Variants in MEX3D observed in about 807,000 individuals in gnomAD.
MEX3D encodes the protein RNA-binding protein MEX3D.
MEX3D carries 4 observed loss-of-function variants against 6.3 expected under a neutral mutation model. The ratio of observed to expected loss-of-function variants is 0.64; its 90% CI spans 0.31 to 1.46. The LOEUF (loss-of-function observed/expected upper bound fraction) is 1.46. Among genes scored for constraint, MEX3D ranks in the 40% most tolerant of loss-of-function variants. The probability of loss-of-function intolerance (pLI) is 0.07; values close to 1 mark genes in which losing one functional copy is unlikely to be tolerated. For missense variants in MEX3D, 1,038 were observed against 994.4 expected (o/e 1.04, Z -0.59); for synonymous variants, 626 against 494.1 (o/e 1.27, Z -3.54).
In MEX3D at chr19:1,567,747, G is replaced by C; in HGVS notation, c.312C>G (p.Pro104=). The C allele has an allele frequency of 2.1e-6, 2 of 968,112 alleles. No individual in the cohort carries two copies. Among genetic ancestry groups the C allele is most frequent in the Non-Finnish European group, 2.5e-6 (2 of 808,568 alleles). 60.0% of individuals were successfully genotyped at this position (968,112 alleles called of 1,614,324 possible). A position where few individuals can be genotyped will look rare whatever the true frequency, so the allele number is the denominator to read the frequency against. Residue 104 remains proline (P), a synonymous_variant, in exon 1 of 2, where the codon CCC becomes CCG. Transcript: ENST00000402693. The surrounding 1 kb of genome is among the most constrained non-coding windows in gnomAD (Gnocchi z 6.5). ...DGGAAPEPVP[P]DGPEAGAPPT... is the part of the protein sequence containing the mutation. Reference sequence around the variant, plus strand: ...GGGGCGCGCCGGCCTCAGGTCCGTCGGGGGGCACAGGCTCCGGAGCCGCCC... The same window carrying C: ...GGGGCGCGCCGGCCTCAGGTCCGTCCGGGGGCACAGGCTCCGGAGCCGCCC...
intron 1 of MEX3D, among the ~76,000 whole-genome samples, chr19:1,565,986 G>C (rs112264699): frequency 0.019 from 2,833 of 152,336 alleles, 90 homozygotes; most frequent in African/African-American, 0.065. Flanking sequence ...GGAGGCTCAG[G>C]CTCGTGCCTT....
chr19:1,558,741 C>T (rs553200385), intron 1 of MEX3D, among the ~76,000 whole-genome samples: 36 of 152,232 alleles, frequency 2.4e-4, no homozygotes, highest in Non-Finnish European at 3.7e-4. Context: ...GCCGAGGTCT[C>T]GGCCCGACTG....
At chr19:1,563,928 C>A (rs557887941) in intron 1 of MEX3D, among the ~76,000 whole-genome samples, 1 of 151,874 alleles carries the variant, frequency 6.6e-6, no homozygotes, top group Non-Finnish European at 1.5e-5. Context: ...CTGCCTCAGC[C>A]TCCAGAGTAG....
intron 1 of MEX3D, among the ~76,000 whole-genome samples, chr19:1,563,218 G>A (rs542095988): frequency 7.9e-5 from 12 of 152,308 alleles, no homozygotes; most frequent in African/African-American, 2.4e-4. Context: ...GGGAAAACCT[G>A]GGGCCTGCGG....
intron 1 of MEX3D, among the ~76,000 whole-genome samples, chr19:1,557,922 G>A (rs1373949830): frequency 7.8e-6 from 1 of 128,748 alleles, no homozygotes; most frequent in African/African-American, 2.9e-5. Context: ...GTGTGGTGGC[G>A]CACGCCTGTA....
intron 1 of MEX3D, among the ~76,000 whole-genome samples, chr19:1,560,015 C>T (rs1914678597): frequency 6.6e-6 from 1 of 152,206 alleles, no homozygotes; most frequent in African/African-American, 2.4e-5. Flanking sequence ...TCGGGTTGGG[C>T]CTGCTCTTCT....
chr19:1,568,154 C>G lies in MEX3D; in HGVS notation c.-96G>C, dbSNP rs1182196374. On this transcript the variant is annotated 5_prime_UTR_variant, in exon 1 of 2. Transcript: ENST00000402693. ...CTCTGCGAGCTGGGCCGCCGGCCGC[C>G]TGCATCCAGCGGCGGGGGCGGGCAC... is the stretch of plus-strand genomic sequence containing the variant. 1.0e-6 allele frequency: 1 copy of G among 969,520 alleles called. No individual in the cohort carries two copies. Among genetic ancestry groups the G allele is most frequent in the Admixed American group, 6.4e-5 (1 of 15,518 alleles). The allele number at this position is 969,520 out of a possible 1,614,324, so 60.1% of individuals were successfully genotyped here.
Position 1,555,601 on chromosome 19 carries a change from G to A in MEX3D, c.1918C>T (p.Arg640Cys). Residue 640 changes from arginine to cysteine, a missense_variant, in exon 2 of 2, where the codon CGC (arginine) becomes TGC (cysteine). Around this residue, in one of 5 missense-constraint regions of MEX3D, gnomAD observed 581 missense variants for 516.2 expected, o/e 1.13. Coordinates refer to ENST00000402693, the MANE Select transcript of MEX3D (RefSeq NM_203304.4). ...TGAATGGCCTGGGTGGCCGGCGTGCGGCAGGCGGGACACTCGGGCTCGCTC... is the reference window on the plus strand; with the variant it reads ...TGAATGGCCTGGGTGGCCGGCGTGCAGCAGGCGGGACACTCGGGCTCGCTC... ...GKSEPECPAC[R>C]TPATQAIHIF... The A allele has an allele frequency of 1.9e-6, 3 of 1,592,404 alleles. No individual in the cohort carries two copies. The highest frequency in any genetic ancestry group is 2.6e-6 in the Non-Finnish European group (3 of 1,171,562).
rs566887152 is a variant in MEX3D at position 1,562,997 on chromosome 19, G to A, written c.595+4467C>T. ...TGAGCCACTGTACTCCAGCCTGGGC[G>A]ACAAGAGCAAGACCCTGTCTCAAAA... On this transcript the variant is annotated intron_variant, in intron 1 of 1. Coordinates refer to ENST00000402693, the MANE Select transcript of MEX3D (RefSeq NM_203304.4). 2.7e-4 allele frequency among the ~76,000 whole-genome samples: 41 copies of A among 152,224 alleles called. No homozygotes were observed. The South Asian group carries it at 2.9e-3, about 11-fold the overall frequency.
chr19:1,564,361 C>T (rs1281238058), intron 1 of MEX3D, among the ~76,000 whole-genome samples: 3 of 152,010 alleles, frequency 2.0e-5, no homozygotes, highest in East Asian at 1.9e-4. Flanking sequence ...GGCGAAACCC[C>T]GTCTCTACTG....
intron 1 of MEX3D, among the ~76,000 whole-genome samples, chr19:1,566,497 C>T (rs1245356849): frequency 6.6e-6 from 1 of 152,160 alleles, no homozygotes; most frequent in Non-Finnish European, 1.5e-5. Context: ...TGTCCTGCGG[C>T]CCCACCACCA....
rs756753498 is a variant in MEX3D, at chr19:1,555,381, T to A, written c.*182A>T. ...GCGCCGCCGGGCTGCGGGGTCTCCGTCTCCACGCCTGAGGCGGCAGTTAAA... is the reference window on the plus strand; with the variant it reads ...GCGCCGCCGGGCTGCGGGGTCTCCGACTCCACGCCTGAGGCGGCAGTTAAA... On this transcript the variant is annotated 3_prime_UTR_variant, in exon 2 of 2. Coordinates refer to ENST00000402693, the MANE Select transcript of MEX3D (RefSeq NM_203304.4). 1 of 1,598,558 alleles carries A rather than the reference T, an allele frequency of 6.3e-7. No individual in the cohort carries two copies. Among genetic ancestry groups the A allele is most frequent in the Non-Finnish European group, 8.5e-7 (1 of 1,172,038 alleles).
chr19:1,556,806 C>T lies in MEX3D; in HGVS notation c.713G>A (p.Arg238His), dbSNP rs1914582872. The stretch of plus-strand genomic sequence containing the variant: ...GTGTTCGGCCGCCGACAGGATCTCA[C>T]GCTTGGCCATCTCCACGTCCTCCTT... Reference protein sequence around the residue: ...GRKEDVEMAKREILSAAEHFS... With the variant: ...GRKEDVEMAKHEILSAAEHFS... The change falls in exon 2 of 2, where the codon CGT becomes CAT. Residue 238 changes from arginine (R) to histidine (H), a missense_variant. Arg to His is a conservative substitution (Grantham distance 29, BLOSUM62 0). Around this residue, in one of 5 missense-constraint regions of MEX3D, gnomAD observed 75 missense variants for 125.1 expected, o/e 0.60. Transcript: ENST00000402693. The surrounding 1 kb of genome is among the most constrained non-coding windows in gnomAD (Gnocchi z 7.5). The T allele has an allele frequency of 1.2e-6, 2 of 1,612,504 alleles. No homozygotes were observed. Among genetic ancestry groups the T allele is most frequent in the Non-Finnish European group, 1.7e-6 (2 of 1,179,804 alleles).
chr19:1,561,212 A>G (rs1914708910), intron 1 of MEX3D, among the ~76,000 whole-genome samples: 1 of 152,170 alleles, frequency 6.6e-6, no homozygotes, highest in Non-Finnish European at 1.5e-5. Context: ...ATGACCGTGC[A>G]CTACGACTTA....
Position 1,556,588 on chromosome 19 carries a change from C to T in MEX3D, c.931G>A (p.Gly311Arg). 6.2e-7 allele frequency: 1 copy of T among 1,609,198 alleles called. No homozygotes were observed. Among genetic ancestry groups the T allele is most frequent in the Non-Finnish European group, 8.5e-7 (1 of 1,178,756 alleles). Residue 311 changes from glycine (G) to arginine (R), a missense_variant, in exon 2 of 2, where the codon GGG becomes AGG. Physicochemically the swap from Gly to Arg is moderately radical, Grantham distance 125. This residue lies in a region of MEX3D where 65 missense variants were observed against 109.3 expected (regional missense o/e 0.59). Transcript: ENST00000402693. This position sits in a 1 kb window ranked among gnomAD's most constrained non-coding sequence, Gnocchi z 7.5. ...QRTHTYIVTPGRDKEPVFAVT... is the reference protein window; with the variant it reads ...QRTHTYIVTPRRDKEPVFAVT... Reference sequence around the variant, plus strand: ...GCGAACACCGGCTCCTTGTCGCGCCCGGGCGTCACGATGTAGGTGTGCGTC... The same window carrying T: ...GCGAACACCGGCTCCTTGTCGCGCCTGGGCGTCACGATGTAGGTGTGCGTC...
chr19:1,567,356 C>T lies in MEX3D; in HGVS notation c.595+108G>A. On this transcript the variant is annotated intron_variant, in intron 1 of 1. Transcript: ENST00000402693. The surrounding 1 kb of genome is among the most constrained non-coding windows in gnomAD (Gnocchi z 6.5). ...GGCCGGAGCCCACGCGGGGCGTGTC[C>T]GGTGCGGGGCGTCCGGCGCGGGCTG... 2 of 1,252,310 alleles carry T rather than the reference C, an allele frequency of 1.6e-6. No homozygotes were observed. Among genetic ancestry groups the T allele is most frequent in the Admixed American group, 4.1e-5 (1 of 24,384 alleles). The allele number at this position is 1,252,310 out of a possible 1,614,324, so 77.6% of individuals were successfully genotyped here.
chr19:1,561,657 C>G (rs1026533261), intron 1 of MEX3D, among the ~76,000 whole-genome samples: 4 of 151,874 alleles, frequency 2.6e-5, no homozygotes, highest in Non-Finnish European at 5.9e-5. Flanking sequence ...GGCAACATAG[C>G]AAGATCCTGT....
At position 1,556,664 on chromosome 19, in the gene MEX3D, C is replaced by T. The variant is rs1312707987; in HGVS notation, c.855G>A (p.Val285=). ...CGCCCTTGGGCCCCACCACCAGCCC[C>T]ACCACCCGGTAGGGCACGCGCACCT... ...TIQVRVPYRV[V]GLVVGPKGAT... The change falls in exon 2 of 2, where the codon GTG becomes GTA. Residue 285 remains valine, a synonymous_variant. Transcript: ENST00000402693. The surrounding 1 kb of genome is among the most constrained non-coding windows in gnomAD (Gnocchi z 7.5). 2.5e-6 allele frequency: 4 copies of T among 1,610,856 alleles called. No individual in the cohort carries two copies. Among genetic ancestry groups the T allele is most frequent in the Non-Finnish European group, 3.4e-6 (4 of 1,179,066 alleles).
chr19:1,556,431 A>G lies in MEX3D; in HGVS notation c.1088T>C (p.Leu363Pro). The G allele has an allele frequency of 6.3e-7, 1 of 1,594,930 alleles. No individual in the cohort carries two copies. Among genetic ancestry groups the G allele is most frequent in the Non-Finnish European group, 8.5e-7 (1 of 1,176,690 alleles). ...GCTGGCGGCCGCCCCGAGCAGGTCC[A>G]GGCAGACGTCGGTGCCGTTGGCGTG... ...DFHANGTDVC[L>P]DLLGAAASLW... is the part of the protein sequence containing the mutation. Residue 363 changes from leucine to proline, a missense_variant, in exon 2 of 2, where the codon CTG (leucine) becomes CCG (proline). Around this residue, in one of 5 missense-constraint regions of MEX3D, gnomAD observed 581 missense variants for 516.2 expected, o/e 1.13. Coordinates refer to ENST00000402693, the MANE Select transcript of MEX3D (RefSeq NM_203304.4). This position sits in a 1 kb window ranked among gnomAD's most constrained non-coding sequence, Gnocchi z 7.5.
Sources: gnomAD v4.1 joint callset for allele counts (sites outside exome capture counted in the v4.1 genomes callset) on GRCh38, gnomAD v4.1.1 for gene constraint, gnomAD v4.1.1 regional missense constraint, Gnocchi (gnomAD v3.1) non-coding constraint, MANE v1.5 for transcripts, NCBI Gene and HGNC (gene_info 2026-07-23, HGNC 2026-07-21) for gene names.